WDR86: variants seen among roughly 807,000 people sequenced by gnomAD.
WDR86 encodes WD repeat-containing protein 86.
Under a neutral mutation model 36.5 loss-of-function variants are expected in WDR86, and 30 were observed. That is an observed-to-expected ratio of 0.82 (90% CI 0.61 to 1.11). The LOEUF is 1.11. Ranked by LOEUF, WDR86 falls within the 50% of genes most tolerant of loss-of-function variation. The probability of loss-of-function intolerance (pLI) is 0.00; values close to 1 mark genes in which losing one functional copy is unlikely to be tolerated. For missense variants in WDR86, 545 were observed against 561.2 expected (o/e 0.97, Z 0.29); for synonymous variants, 255 against 252.9 (o/e 1.01, Z -0.08).
chr7:151,404,267 C>G (rs1239550678), intron 1 of WDR86, among the ~76,000 whole-genome samples: 1 of 152,218 alleles, frequency 6.6e-6, no homozygotes, highest in African/African-American at 2.4e-5. Flanking sequence ...CCAGGCTGCC[C>G]TGATGCCCTC....
In WDR86 at chr7:151,400,208, T is replaced by A. The variant is rs1461202221; in HGVS notation, c.197A>T (p.Glu66Val). The A allele has an allele frequency of 9.3e-6, 15 of 1,610,866 alleles. No homozygotes were observed. Among genetic ancestry groups the A allele is most frequent in the Non-Finnish European group, 1.2e-5 (14 of 1,178,548 alleles). The change falls in exon 2 of 6, where the codon GAG (glutamate) becomes GTG (valine). Residue 66 changes from glutamate to valine, a missense_variant. By Grantham distance (121) the Glu-to-Val change is moderately radical (BLOSUM62 -2). Coordinates refer to ENST00000334493, the MANE Select transcript of WDR86 (RefSeq NM_198285.3). Reference protein sequence around the residue: ...HESYVTFCQLEDEAAFTCSAD... With the variant: ...HESYVTFCQLVDEAAFTCSAD... ...GCTGCATGTGAAGGCAGCCTCATCC[T>A]CCAGCTGGCAGAAGGTCACATAGCT...
At chr7:151,377,250 T>G, downstream of WDR86, 1 of 1,434,868 alleles carries the variant, frequency 7.0e-7, no homozygotes, top group Non-Finnish European at 9.4e-7. Context: ...TAGCGCTAAT[T>G]TTCTGCTTAT....
chr7:151,377,028 C>T (rs779045942), downstream of WDR86: 8 of 1,523,372 alleles, frequency 5.3e-6, no homozygotes, highest in South Asian at 9.0e-5. Flanking sequence ...TCACTTACTC[C>T]TGCGGTATTT....
At chr7:151,397,222 C>T (rs1321107354) in intron 2 of WDR86, among the ~76,000 whole-genome samples, 2 of 152,164 alleles carry the variant, frequency 1.3e-5, no homozygotes, top group Admixed American at 6.5e-5. Flanking sequence ...CGTCCTCCCG[C>T]GAAGGGCTTG....
rs961688725 is a variant in WDR86 at position 151,401,788 on chromosome 7, G to T, written c.164-1547C>A. ...CAAGTGGCCAGGCGCGGTGGCTCAC[G>T]CCTGTAATTCCAGCACTTTGGGAGG... is the stretch of plus-strand genomic sequence containing the variant. On this transcript the variant is annotated intron_variant, in intron 1 of 5. Coordinates refer to ENST00000334493, the MANE Select transcript of WDR86 (RefSeq NM_198285.3). The surrounding 1 kb of genome is among the most constrained non-coding windows in gnomAD (Gnocchi z 4.3). Among the ~76,000 whole-genome samples, 1 of 151,890 alleles carries T rather than the reference G, an allele frequency of 6.6e-6. No homozygotes were observed. The highest frequency in any genetic ancestry group is 1.5e-5 in the Non-Finnish European group (1 of 67,982).
At chr7:151,385,276 A>G (rs1798887572) in intron 3 of WDR86, 53 bp from the exon 4 acceptor site, 2 of 1,601,874 alleles carry the variant, frequency 1.2e-6, no homozygotes, top group Non-Finnish European at 1.7e-6. Flanking sequence ...GAAGCCCCCC[A>G]GACCTCTCCC....
In WDR86 at chr7:151,409,783, C is replaced by A. The variant is rs1482859350; in HGVS notation, c.-194G>T. On this transcript the variant is annotated 5_prime_UTR_variant, in exon 1 of 6. Transcript: ENST00000334493. The surrounding 1 kb of genome is among the most constrained non-coding windows in gnomAD (Gnocchi z 5.2). ...CCGCTGCCTCCAGCCTCTGGGCCCG[C>A]GAACCCAGGGCGCTGCGGGGGGCGG... 3.6e-5 allele frequency: 46 copies of A among 1,268,080 alleles called. No individual in the cohort carries two copies. The highest frequency in any genetic ancestry group is 4.4e-5 in the Non-Finnish European group (44 of 1,010,786). 78.6% of individuals were successfully genotyped at this position (1,268,080 alleles called of 1,614,324 possible). A position where few individuals can be genotyped will look rare whatever the true frequency, so the allele number is the denominator to read the frequency against.
In WDR86 at chr7:151,383,473, C is replaced by CA. The variant is rs60998418; in HGVS notation, c.863-1493dup. Among the ~76,000 whole-genome samples the CA allele has an allele frequency of 7.8e-3, 1,018 of 130,380 alleles. 7 individuals are homozygous for CA. The highest frequency in any genetic ancestry group is 0.025 in the African/African-American group (861 of 35,074). 85.5% of individuals were successfully genotyped at this position (130,380 alleles called of 152,430 possible). ...TGGGCCACAGAGCAAGACTCCGTCT[C>CA]AAAAAAAAAAAAAAAAAAATGTTTG... On this transcript the variant is annotated intron_variant, in intron 4 of 5. Coordinates refer to ENST00000334493, the MANE Select transcript of WDR86 (RefSeq NM_198285.3).
chr7:151,403,741 C>T (rs78315480), intron 1 of WDR86, among the ~76,000 whole-genome samples: 3,816 of 152,228 alleles, frequency 0.025, 171 homozygotes, highest in African/African-American at 0.088. Context: ...TTTTTGCCAA[C>T]CCCAGAGGGT....
At chr7:151,399,206 C>T (rs1463000951) in intron 2 of WDR86, among the ~76,000 whole-genome samples, 3 of 152,214 alleles carry the variant, frequency 2.0e-5, no homozygotes, top group Admixed American at 6.5e-5. Flanking sequence ...CATCGACTAT[C>T]GATTATTATT....
upstream of WDR86, chr7:151,410,100 GC>G: frequency 1.0e-6 from 1 of 984,118 alleles, no homozygotes; most frequent in Non-Finnish European, 1.2e-6. Flanking sequence ...CTCGGGCTGC[GC>G]CCCAGCCCCC....
intron 1 of WDR86, among the ~76,000 whole-genome samples, chr7:151,402,234 C>T (rs897623127): frequency 4.6e-5 from 7 of 151,302 alleles, no homozygotes; most frequent in Non-Finnish European, 7.4e-5. Flanking sequence ...GGCCAGGAAC[C>T]GACCGTTCCC....
intron 2 of WDR86, among the ~76,000 whole-genome samples, chr7:151,397,460 G>C (rs561924186): frequency 6.6e-6 from 1 of 152,226 alleles, no homozygotes; most frequent in South Asian, 2.1e-4. Context: ...GTCTCACTCT[G>C]TCGCCCAGGC....
At chr7:151,377,054 T>C (rs1346428489), downstream of WDR86, 1 of 1,555,024 alleles carries the variant, frequency 6.4e-7, no homozygotes, top group East Asian at 2.3e-5. Context: ...TAGGAACCTC[T>C]AGTGCCTCAA....
At chr7:151,393,742 C>T (rs774452932) in intron 3 of WDR86, among the ~76,000 whole-genome samples, 1 of 152,152 alleles carries the variant, frequency 6.6e-6, no homozygotes, top group Non-Finnish European at 1.5e-5. Context: ...AACTGCCTGG[C>T]AGGAAAGAGG....
At chr7:151,379,779 G>GAT (rs1211497721), downstream of WDR86, among the ~76,000 whole-genome samples, 1 of 152,178 alleles carries the variant, frequency 6.6e-6, no homozygotes, top group Non-Finnish European at 1.5e-5. Context: ...GCTGTGGGGA[G>GAT]ATAAGGTGGG....
chr7:151,401,408 C>A lies in WDR86; in HGVS notation c.164-1167G>T, dbSNP rs1800282192. ...CTCAGCTTCCACTCTTGCCTTCCTC[C>A]CTCCTCTCCTTCCCTCCTCATTTCT... On this transcript the variant is annotated intron_variant, in intron 1 of 5. Transcript: ENST00000334493. This position sits in a 1 kb window ranked among gnomAD's most constrained non-coding sequence, Gnocchi z 4.3. 1.3e-5 allele frequency among the ~76,000 whole-genome samples: 2 copies of A among 152,192 alleles called. No homozygotes were observed. The highest frequency in any genetic ancestry group is 4.8e-5 in the African/African-American group (2 of 41,446).
chr7:151,369,723 C>T, the WDR86 span, among the ~76,000 whole-genome samples: 1 of 152,196 alleles, frequency 6.6e-6, no homozygotes, highest in African/African-American at 2.4e-5. Flanking sequence ...CTTGCCAAAA[C>T]AAGAAGTTGG....
Position 151,381,735 on chromosome 7 carries a change from C to T in WDR86, c.978G>A (p.Gln326=). ...CGTCGTGCGAGGCGGTGTAGAGCAC[C>T]TGGCCGTGCACCTGCGGGCGCAGGG... ...FIINCIQVHG[Q]VLYTASHDGA... Residue 326 remains glutamine, a synonymous_variant, in exon 6 of 6, where the codon CAG becomes CAA. Transcript: ENST00000334493. This position sits in a 1 kb window ranked among gnomAD's most constrained non-coding sequence, Gnocchi z 4.8. The T allele has an allele frequency of 6.6e-7, 1 of 1,514,708 alleles. No homozygotes were observed. Among genetic ancestry groups the T allele is most frequent in the Admixed American group, 2.2e-5 (1 of 45,048 alleles). The allele number at this position is 1,514,708 out of a possible 1,614,324, so 93.8% of individuals were successfully genotyped here.
Sources: gnomAD v4.1 joint callset for allele counts (sites outside exome capture counted in the v4.1 genomes callset) on GRCh38, gnomAD v4.1.1 for gene constraint, Gnocchi (gnomAD v3.1) non-coding constraint, MANE v1.5 for transcripts, NCBI Gene and HGNC (gene_info 2026-07-23, HGNC 2026-07-21) for gene names.